STK25: variants seen among roughly 807,000 people sequenced by gnomAD.
STK25 encodes serine/threonine kinase 25, also known as serine/threonine-protein kinase 25.
STK25 carries 29 observed loss-of-function variants against 53.8 expected under a neutral mutation model. That is an observed-to-expected ratio of 0.54 (90% CI 0.40 to 0.74). STK25 has a LOEUF of 0.74. STK25 is among the 30% of genes least tolerant of loss of function. STK25 has a pLI of 0.00. For synonymous variants in STK25, 247 were observed against 238.3 expected, an observed-to-expected ratio of 1.04 and a Z score of -0.33; for missense variants, 420 against 568.0, an observed-to-expected ratio of 0.74 and a Z score of 2.65.
At position 241,495,552 on chromosome 2, in the gene STK25, T is replaced by G; in HGVS notation, c.*110A>C. ...TGTGAGGCCCACGGGATCCGACGTGTCCCTGCAGGCACGACATAGCACAGG... is the reference window on the plus strand; with the variant it reads ...TGTGAGGCCCACGGGATCCGACGTGGCCCTGCAGGCACGACATAGCACAGG... On this transcript the variant is annotated 3_prime_UTR_variant, in exon 12 of 12. Transcript: ENST00000316586. The G allele has an allele frequency of 8.1e-7, 1 of 1,232,250 alleles. No individual in the cohort carries two copies. Among genetic ancestry groups the G allele is most frequent in the Non-Finnish European group, 1.2e-6 (1 of 839,116 alleles). 76.3% of individuals were successfully genotyped at this position (1,232,250 alleles called of 1,614,324 possible).
rs2065506575 is a variant in STK25 at position 241,501,445 on chromosome 2, C to A, written c.261+33G>T. On this transcript the variant is annotated intron_variant, in intron 3 of 11. Transcript: ENST00000316586. This position sits in a 1 kb window ranked among gnomAD's most constrained non-coding sequence, Gnocchi z 5.3. Reference sequence around the variant, plus strand: ...ACATGGAAGAGAGCCGGGCACAGCACCAGCAGGGTCCCCGCCTCCCCACAA... The same window carrying A: ...ACATGGAAGAGAGCCGGGCACAGCAACAGCAGGGTCCCCGCCTCCCCACAA... The A allele has an allele frequency of 1.2e-6, 2 of 1,600,646 alleles. No individual in the cohort carries two copies. Among genetic ancestry groups the A allele is most frequent in the Admixed American group, 3.4e-5 (2 of 59,214 alleles).
chr2:241,504,856 C>A (rs1487390190), intron 2 of STK25, among the ~76,000 whole-genome samples: 1 of 152,138 alleles, frequency 6.6e-6, no homozygotes, highest in African/African-American at 2.4e-5. Context: ...TGGAGGACCA[C>A]CCGTTCCTAG....
At chr2:241,503,495 G>A (rs1236735369) in intron 2 of STK25, among the ~76,000 whole-genome samples, 1 of 151,070 alleles carries the variant, frequency 6.6e-6, no homozygotes. Flanking sequence ...GGCAGATCAC[G>A]AGGTCAGGAG....
In STK25 at chr2:241,501,540, TCTC is replaced by T. The variant is rs1226046865; in HGVS notation, c.196_198del (p.Glu66del). ...CTGTCGCACTGACTGAGGACAGTGA[TCTC>T]CTGCTGGATGTCCTCGATCTCATCC... On this transcript the variant is annotated inframe_deletion, in exon 3 of 12. Coordinates refer to ENST00000316586, the MANE Select transcript of STK25 (RefSeq NM_001271977.2). This position sits in a 1 kb window ranked among gnomAD's most constrained non-coding sequence, Gnocchi z 5.3. 1 of 1,613,930 alleles carries T rather than the reference TCTC, an allele frequency of 6.2e-7. No homozygotes were observed. The highest frequency in any genetic ancestry group is 8.5e-7 in the Non-Finnish European group (1 of 1,180,026).
At position 241,495,169 on chromosome 2, in the gene STK25, C is replaced by T. The variant is rs189882106; in HGVS notation, c.*493G>A. ...GATGACACAAGTACTTATGAGCAGA[C>T]ACAGTACCTGATCCAACACCACAAG... is the stretch of plus-strand genomic sequence containing the variant. On this transcript the variant is annotated 3_prime_UTR_variant, in exon 12 of 12. Coordinates refer to ENST00000316586, the MANE Select transcript of STK25 (RefSeq NM_001271977.2). 2.7e-3 allele frequency: 425 copies of T among 156,604 alleles called. 1 individual carries two copies. Among genetic ancestry groups the T allele is most frequent in the Admixed American group, 9.2e-3 (142 of 15,514 alleles). 9.7% of individuals were successfully genotyped at this position (156,604 alleles called of 1,614,324 possible). A position where few individuals can be genotyped will look rare whatever the true frequency, so the allele number is the denominator to read the frequency against.
intron 5 of STK25, chr2:241,499,651 T>C: frequency 1.7e-6 from 1 of 601,100 alleles, no homozygotes; most frequent in South Asian, 2.1e-5. Flanking sequence ...GCATTTGGCT[T>C]TTACGACAAA....
chr2:241,501,170 C>A lies in STK25; in HGVS notation c.261+308G>T. ...CACAGCGTTCCCTACACCCCAGACA[C>A]TGGCACCACCAGCCACCTGCTCCTC... is the stretch of plus-strand genomic sequence containing the variant. On this transcript the variant is annotated intron_variant, in intron 3 of 11. Transcript: ENST00000316586. This position sits in a 1 kb window ranked among gnomAD's most constrained non-coding sequence, Gnocchi z 5.3. 1.8e-6 allele frequency: 1 copy of A among 550,678 alleles called. No homozygotes were observed. The highest frequency in any genetic ancestry group is 3.3e-6 in the Non-Finnish European group (1 of 304,998). The allele number at this position is 550,678 out of a possible 1,614,324, so 34.1% of individuals were successfully genotyped here.
At position 241,500,222 on chromosome 2, in the gene STK25, C is replaced by G. The variant is rs1215967247; in HGVS notation, c.378G>C (p.Lys126Asn). The G allele has an allele frequency of 6.2e-7, 1 of 1,614,020 alleles. No homozygotes were observed. The highest frequency in any genetic ancestry group is 8.5e-7 in the Non-Finnish European group (1 of 1,180,038). The change falls in exon 5 of 12, where the codon AAG becomes AAC. Residue 126 changes from lysine (K) to asparagine (N), a missense_variant. Lys to Asn is a moderately conservative substitution (Grantham distance 94). Coordinates refer to ENST00000316586, the MANE Select transcript of STK25 (RefSeq NM_001271977.2). ...GTTCGGAGTGCAGATAATCCAGGCC[C>G]TTCAGAATCTCCCGCAGGATCGTGG... ...YIATILREIL[K>N]GLDYLHSERK...
chr2:241,495,691 T>C lies in STK25; in HGVS notation c.1252A>G (p.Asn418Asp). 1 of 1,614,206 alleles carries C rather than the reference T, an allele frequency of 6.2e-7. No homozygotes were observed. The highest frequency in any genetic ancestry group is 8.5e-7 in the Non-Finnish European group (1 of 1,180,028). The change falls in exon 12 of 12, where the codon AAC (asparagine) becomes GAC (aspartate). Residue 418 changes from asparagine to aspartate, a missense_variant. Physicochemically the swap from Asn to Asp is conservative, Grantham distance 23. Transcript: ENST00000316586. ...LVERVQRFSH[N>D]RNHLTSTR ...CGGGTGGATGTCAGGTGGTTTCTGT[T>C]GTGTGAAAACCTGCAGAGAGAAGAG... is the stretch of plus-strand genomic sequence containing the variant.
At chr2:241,508,640 G>C (rs2066005224), upstream of STK25, 1 of 986,868 alleles carries the variant, frequency 1.0e-6, no homozygotes, top group Non-Finnish European at 1.2e-6. Flanking sequence ...CGGCTCTCTG[G>C]GACCCCGAGT....
At chr2:241,499,912 G>T (rs1351802131) in intron 5 of STK25, 1 of 584,336 alleles carries the variant, frequency 1.7e-6, no homozygotes, top group Admixed American at 2.3e-5. Context: ...GTGCACCACA[G>T]GGAACCAACA....
chr2:241,496,467 C>G lies in STK25; in HGVS notation c.1172G>C (p.Ser391Thr). The G allele has an allele frequency of 6.2e-7, 1 of 1,613,702 alleles. No individual in the cohort carries two copies. Among genetic ancestry groups the G allele is most frequent in the Non-Finnish European group, 8.5e-7 (1 of 1,179,978 alleles). Reference sequence around the variant, plus strand: ...GCCGGGGCAGGACTCCTCGGCCAGGCTGAAGGCGTTCTCCAGCTCCTCCAG... The same window carrying G: ...GCCGGGGCAGGACTCCTCGGCCAGGGTGAAGGCGTTCTCCAGCTCCTCCAG... ...GALEELENAF[S>T]LAEESCPGIS... Residue 391 changes from serine (S) to threonine (T), a missense_variant, in exon 11 of 12, where the codon AGC (serine) becomes ACC (threonine). Transcript: ENST00000316586. The surrounding 1 kb of genome is among the most constrained non-coding windows in gnomAD (Gnocchi z 5.8).
At chr2:241,498,169 C>G (rs557932224) in intron 9 of STK25, 66 bp downstream of exon 9, 3 of 1,446,924 alleles carry the variant, frequency 2.1e-6, no homozygotes, top group Non-Finnish European at 1.9e-6. Flanking sequence ...AAAGCTGGGT[C>G]CCGCATCCAG....
rs2065365472 is a variant in STK25, at chr2:241,499,265, C to T, written c.577G>A (p.Asp193Asn). ...CCGCCCGCTGCACCCACCTTGAAGT[C>T]GTAGGCCGACTGCTTGATGACCTCA... Reference protein sequence around the residue: ...APEVIKQSAYDFKADIWSLGI... With the variant: ...APEVIKQSAYNFKADIWSLGI... The change falls in exon 6 of 12, where the codon GAC (aspartate) becomes AAC (asparagine). Residue 193 changes from aspartate (D) to asparagine (N), a missense_variant. By Grantham distance (23) the Asp-to-Asn change is conservative. Coordinates refer to ENST00000316586, the MANE Select transcript of STK25 (RefSeq NM_001271977.2). 6.8e-6 allele frequency: 11 copies of T among 1,613,992 alleles called. No homozygotes were observed. Among genetic ancestry groups the T allele is most frequent in the Non-Finnish European group, 9.3e-6 (11 of 1,179,998 alleles).
At chr2:241,508,237 C>A (rs1410263689) in intron 1 of STK25, 102 bp from the exon 2 acceptor site, 3 of 1,313,162 alleles carry the variant, frequency 2.3e-6, no homozygotes, top group African/African-American at 3.1e-5. Flanking sequence ...GGAGACCCCC[C>A]AGGCCGCCGG....
In STK25 at chr2:241,493,548, G is replaced by C; in HGVS notation, c.*2114C>G. The C allele has an allele frequency of 9.3e-7, 1 of 1,075,868 alleles. No homozygotes were observed. Among genetic ancestry groups the C allele is most frequent in the South Asian group, 1.4e-5 (1 of 73,938 alleles). 66.6% of individuals were successfully genotyped at this position (1,075,868 alleles called of 1,614,324 possible). On this transcript the variant is annotated 3_prime_UTR_variant, in exon 12 of 12. Coordinates refer to ENST00000316586, the MANE Select transcript of STK25 (RefSeq NM_001271977.2). ...AGGCAAGTTTTCTGGGCCCTGGAAA[G>C]GAAGGGCTGAGCAATGCTTCCAGCA... is the stretch of plus-strand genomic sequence containing the variant.
chr2:241,508,071 A>C lies in STK25; in HGVS notation c.-36T>G. 1 of 1,586,270 alleles carries C rather than the reference A, an allele frequency of 6.3e-7. No homozygotes were observed. Among genetic ancestry groups the C allele is most frequent in the Non-Finnish European group, 8.6e-7 (1 of 1,167,966 alleles). ...CCTCAGACCCTCCGCCAGCAGCCCC[A>C]GGAGGCGTCTGGATCCCGCGGAGAG... is the stretch of plus-strand genomic sequence containing the variant. On this transcript the variant is annotated 5_prime_UTR_variant, in exon 2 of 12. Coordinates refer to ENST00000316586, the MANE Select transcript of STK25 (RefSeq NM_001271977.2).
At chr2:241,506,924 G>T (rs73008138) in intron 2 of STK25, among the ~76,000 whole-genome samples, 1 of 152,114 alleles carries the variant, frequency 6.6e-6, no homozygotes, top group Admixed American at 6.5e-5. Flanking sequence ...CTGTGACCAC[G>T]CAGGTCCAGG....
At chr2:241,508,384 G>GC in intron 1 of STK25, 59 bp downstream of exon 1, 3 of 1,113,570 alleles carry the variant, frequency 2.7e-6, no homozygotes, top group Admixed American at 1.1e-4. Flanking sequence ...CCCGCCCCGG[G>GC]CCCCTCCCTC....
Sources: allele counts gnomAD v4.1 joint callset (sites outside exome capture counted in the v4.1 genomes callset), GRCh38; gene constraint gnomAD v4.1.1; non-coding constraint Gnocchi (gnomAD v3.1); transcripts MANE v1.5; gene names NCBI Gene and HGNC (gene_info 2026-07-23, HGNC 2026-07-21).